The following AGPAT3 variants were observed in gnomAD, a reference collection of about 807,000 sequenced individuals.
AGPAT3 encodes 1-acyl-sn-glycerol-3-phosphate acyltransferase gamma.
Under a neutral mutation model 47.3 loss-of-function variants are expected in AGPAT3, and 5 were observed. The ratio of observed to expected loss-of-function variants is 0.11; its 90% CI spans 0.06 to 0.22. The LOEUF (loss-of-function observed/expected upper bound fraction) is 0.22, where lower values mean the gene tolerates loss of function less well. AGPAT3 is among the 10% of genes least tolerant of loss of function. The probability of loss-of-function intolerance (pLI) is 1.00; values close to 1 mark genes in which losing one functional copy is unlikely to be tolerated. For synonymous variants in AGPAT3, 212 were observed against 208.3 expected (o/e 1.02, Z -0.15); for missense variants, 315 against 493.0 (o/e 0.64, Z 3.42).
chr21:43,921,458 C>A (rs543161157), intron 2 of AGPAT3, among the ~76,000 whole-genome samples: 30 of 152,326 alleles, frequency 2.0e-4, no homozygotes, highest in African/African-American at 6.5e-4. Context: ...CTAGGATCAG[C>A]ATCCTGACCC....
rs184920239 is a variant in AGPAT3, at chr21:43,879,134, G to A, written c.-112+13789G>A. ...GGAGGCTGAGGCAGGCTGATCACTC[G>A]AGGTCAGGAGTTCGAGACCAGCCTG... On this transcript the variant is annotated intron_variant, in intron 1 of 9. Coordinates refer to ENST00000291572, the MANE Select transcript of AGPAT3 (RefSeq NM_020132.5). 5.0e-3 allele frequency among the ~76,000 whole-genome samples: 758 copies of A among 152,122 alleles called. 1 individual carries two copies. The highest frequency in any genetic ancestry group is 7.5e-3 in the Non-Finnish European group (509 of 67,976).
Position 43,952,744 on chromosome 21 carries a change from A to C in AGPAT3, c.-48-6890A>C, listed in dbSNP as rs1027379417. ...GGCTCAGAAGCAACTCAGTGTCCTC[A>C]GTGTCTCGGTGGCATCTGAGCAGCC... On this transcript the variant is annotated intron_variant, in intron 2 of 9. Transcript: ENST00000291572. This position sits in a 1 kb window ranked among gnomAD's most constrained non-coding sequence, Gnocchi z 5.6. Among the ~76,000 whole-genome samples the C allele has an allele frequency of 6.6e-6, 1 of 151,288 alleles. No homozygotes were observed. Among genetic ancestry groups the C allele is most frequent in the African/African-American group, 2.4e-5 (1 of 41,070 alleles).
intron 2 of AGPAT3, among the ~76,000 whole-genome samples, chr21:43,941,202 T>C (rs2056614617): frequency 6.6e-6 from 1 of 152,116 alleles, no homozygotes; most frequent in Non-Finnish European, 1.5e-5. Flanking sequence ...CCCCTGGAGG[T>C]TCCACGCTAG....
intron 1 of AGPAT3, among the ~76,000 whole-genome samples, chr21:43,900,356 A>G (rs2086321578): frequency 6.6e-6 from 1 of 152,222 alleles, no homozygotes; most frequent in Non-Finnish European, 1.5e-5. Context: ...CAGAAAGCCA[A>G]ACAAAAGTGC....
At chr21:43,907,345 T>C (rs2086524792) in intron 2 of AGPAT3, among the ~76,000 whole-genome samples, 1 of 152,134 alleles carries the variant, frequency 6.6e-6, no homozygotes, top group Non-Finnish European at 1.5e-5. Context: ...GTGGATCCTC[T>C]CTGGAATTTC....
chr21:43,948,974 G>T (rs2088046164), intron 2 of AGPAT3, among the ~76,000 whole-genome samples: 2 of 152,154 alleles, frequency 1.3e-5, no homozygotes, highest in African/African-American at 4.8e-5. Context: ...TTGTTGGTCT[G>T]CATGTCTACT....
intron 2 of AGPAT3, among the ~76,000 whole-genome samples, chr21:43,945,499 G>T (rs1361334958): frequency 6.6e-6 from 1 of 152,134 alleles, no homozygotes; most frequent in Admixed American, 6.5e-5. Context: ...ATCTGGACAG[G>T]GCGCCGTAAT....
At chr21:43,971,913 T>C (rs1041575614) in intron 7 of AGPAT3, among the ~76,000 whole-genome samples, 3 of 152,124 alleles carry the variant, frequency 2.0e-5, no homozygotes, top group Non-Finnish European at 2.9e-5. Context: ...ATAAGTCTCC[T>C]GGGGCCCACA....
intron 2 of AGPAT3, among the ~76,000 whole-genome samples, chr21:43,937,442 A>G (rs1331049032): frequency 6.6e-6 from 1 of 152,054 alleles, no homozygotes; most frequent in Admixed American, 6.5e-5. Flanking sequence ...CCTCTGGGCC[A>G]CCCTCTAGGT....
chr21:43,881,975 G>T lies in AGPAT3; in HGVS notation c.-112+16630G>T, dbSNP rs2085863365. ...CACGGCCTATTAAAAACATTTTTTT[G>T]CCAATTTCTTTTTACTTTTGAATGT... On this transcript the variant is annotated intron_variant, in intron 1 of 9. Coordinates refer to ENST00000291572, the MANE Select transcript of AGPAT3 (RefSeq NM_020132.5). 2.6e-5 allele frequency among the ~76,000 whole-genome samples: 4 copies of T among 152,270 alleles called. No homozygotes were observed. In the South Asian group the frequency reaches 8.3e-4, roughly 32 times the overall value.
chr21:43,898,629 C>G (rs1407761072), intron 1 of AGPAT3, among the ~76,000 whole-genome samples: 1 of 152,158 alleles, frequency 6.6e-6, no homozygotes, highest in Non-Finnish European at 1.5e-5. Context: ...TAGGTTCAAG[C>G]AATTCTCCTG....
chr21:43,943,673 C>T (rs917781386), intron 2 of AGPAT3, among the ~76,000 whole-genome samples: 3 of 152,100 alleles, frequency 2.0e-5, no homozygotes, highest in Admixed American at 1.3e-4. Context: ...AGGCCTCAGC[C>T]GCCACGGCCT....
chr21:43,936,703 T>C (rs148449023), intron 2 of AGPAT3, among the ~76,000 whole-genome samples: 1 of 152,216 alleles, frequency 6.6e-6, no homozygotes, highest in South Asian at 2.1e-4. Context: ...CATCCTTTCC[T>C]TTTCCCGACC....
chr21:43,918,050 GGTTGTGGGT>G (rs1457015310), intron 2 of AGPAT3, among the ~76,000 whole-genome samples: 9 of 142,982 alleles, frequency 6.3e-5, no homozygotes, highest in Admixed American at 1.4e-4. Flanking sequence ...GTGTTGTGGG[GGTTGTGGGT>G]GTTGGGGTTG....
chr21:43,946,730 C>G (rs1446576901), intron 2 of AGPAT3, among the ~76,000 whole-genome samples: 1 of 152,118 alleles, frequency 6.6e-6, no homozygotes, highest in Non-Finnish European at 1.5e-5. Context: ...AAAATTATGT[C>G]TAGGTCAACT....
In AGPAT3 at chr21:43,933,082, G is replaced by A. The variant is rs1164955265; in HGVS notation, c.-48-26552G>A. 6.6e-6 allele frequency among the ~76,000 whole-genome samples: 1 copy of A among 152,140 alleles called. No individual in the cohort carries two copies. Among genetic ancestry groups the A allele is most frequent in the Non-Finnish European group, 1.5e-5 (1 of 68,018 alleles). On this transcript the variant is annotated intron_variant, in intron 2 of 9. Transcript: ENST00000291572. This position sits in a 1 kb window ranked among gnomAD's most constrained non-coding sequence, Gnocchi z 6.0. The stretch of plus-strand genomic sequence containing the variant: ...GTTCTCGTCAACACCTGTTACATTC[G>A]TCTTTTTGATAATAGCCAACTGAAC...
intron 1 of AGPAT3, among the ~76,000 whole-genome samples, chr21:43,895,865 T>G (rs1203796260): frequency 6.6e-6 from 1 of 152,168 alleles, no homozygotes; most frequent in African/African-American, 2.4e-5. Flanking sequence ...CTCCCTGGTT[T>G]GAGTGGTTCT....
intron 2 of AGPAT3, among the ~76,000 whole-genome samples, chr21:43,909,518 G>C (rs896211422): frequency 1.6e-4 from 25 of 152,118 alleles, no homozygotes; most frequent in African/African-American, 5.8e-4. Context: ...GGATGGTCTC[G>C]ATCTCCTGAC....
chr21:43,903,430 A>C (rs796720425), intron 1 of AGPAT3, among the ~76,000 whole-genome samples: 14 of 152,348 alleles, frequency 9.2e-5, no homozygotes, highest in African/African-American at 3.4e-4. Flanking sequence ...ATGTAACACA[A>C]ATGAGCAAAC....
Sources: allele counts gnomAD v4.1 joint callset (sites outside exome capture counted in the v4.1 genomes callset), GRCh38; gene constraint gnomAD v4.1.1; non-coding constraint Gnocchi (gnomAD v3.1); transcripts MANE v1.5; gene names NCBI Gene and HGNC (gene_info 2026-07-23, HGNC 2026-07-21).